The following CYP20A1 variants were observed in gnomAD, a reference collection of about 807,000 sequenced individuals.
CYP20A1 encodes cytochrome P450 20A1.
A neutral mutation model predicts 61.4 loss-of-function variants in CYP20A1; 61 were observed. The ratio of observed to expected loss-of-function variants is 0.99; its 90% CI spans 0.81 to 1.23. The LOEUF (loss-of-function observed/expected upper bound fraction) is 1.23. Ranked by LOEUF, CYP20A1 falls within the 50% of genes most tolerant of loss-of-function variation. The pLI, the probability that CYP20A1 is intolerant of heterozygous loss-of-function variation, is 0.00. For missense variants in CYP20A1, 530 were observed against 542.4 expected, an observed-to-expected ratio of 0.98 and a Z score of 0.23; for synonymous variants, 193 against 188.2, an observed-to-expected ratio of 1.03 and a Z score of -0.21.
chr2:203,266,522 A>C lies in CYP20A1; in HGVS notation c.441A>C (p.Glu147Asp). Residue 147 changes from glutamate to aspartate, a missense_variant, in exon 5 of 13, where the codon GAA becomes GAC. Transcript: ENST00000356079. The part of the protein sequence containing the change: ...SNFALLLKLS[E>D]ELLDKWLSYP... ...TTTCTGTTCTCTTTCAGCTTTCAGA[A>C]GAATTATTAGATAAATGGCTCTCCT... 1 of 1,613,812 alleles carries C rather than the reference A, an allele frequency of 6.2e-7. No individual in the cohort carries two copies. Among genetic ancestry groups the C allele is most frequent in the Non-Finnish European group, 8.5e-7 (1 of 1,179,728 alleles).
At chr2:203,270,546 C>T (rs919645809) in intron 5 of CYP20A1, among the ~76,000 whole-genome samples, 2 of 151,612 alleles carry the variant, frequency 1.3e-5, no homozygotes, top group African/African-American at 2.4e-5. Flanking sequence ...TCTCAGTTTT[C>T]ATTTCCTTTT....
At chr2:203,271,058 A>G (rs1448631111) in intron 5 of CYP20A1, among the ~76,000 whole-genome samples, 22 of 28,944 alleles carry the variant, frequency 7.6e-4, no homozygotes, top group African/African-American at 2.0e-3. Context: ...ATATGTGTAT[A>G]TATATATATA....
At chr2:203,290,923 A>C (rs115567586) in intron 10 of CYP20A1, among the ~76,000 whole-genome samples, 2 of 152,122 alleles carry the variant, frequency 1.3e-5, no homozygotes, top group African/African-American at 4.8e-5. Flanking sequence ...GATTACAGGC[A>C]TGAGCCACCA....
chr2:203,270,607 A>T (rs1374070375), intron 5 of CYP20A1, among the ~76,000 whole-genome samples: 1 of 152,008 alleles, frequency 6.6e-6, no homozygotes, highest in East Asian at 1.9e-4. Flanking sequence ...CAGTATCACA[A>T]ATGTTACTGT....
chr2:203,249,101 T>G (rs2066566190), intron 3 of CYP20A1, among the ~76,000 whole-genome samples: 3 of 152,184 alleles, frequency 2.0e-5, no homozygotes, highest in Admixed American at 2.0e-4. Context: ...AAATATTAAA[T>G]TTTTTCTCTT....
Position 203,305,225 on chromosome 2 carries a change from C to A in CYP20A1, c.*8317C>A, listed in dbSNP as rs1279440589. ...TTTTTTTTTTTTTTTTTTTTGAGAC[C>A]GAGTCTCCCTCTGTCACCAGGCTGG... On this transcript the variant is annotated 3_prime_UTR_variant, in exon 13 of 13. Coordinates refer to ENST00000356079, the MANE Select transcript of CYP20A1 (RefSeq NM_177538.3). 5.1e-5 allele frequency among the ~76,000 whole-genome samples: 6 copies of A among 118,036 alleles called. No homozygotes were observed. Among genetic ancestry groups the A allele is most frequent in the Non-Finnish European group, 9.9e-5 (6 of 60,422 alleles). The allele number at this position is 118,036 out of a possible 152,430, so 77.4% of individuals were successfully genotyped here.
intron 8 of CYP20A1, among the ~76,000 whole-genome samples, chr2:203,281,979 C>G (rs1243723226): frequency 1.3e-5 from 2 of 150,088 alleles, no homozygotes; most frequent in African/African-American, 4.9e-5. Flanking sequence ...TGTCCAGATA[C>G]TATAGATGAC....
intron 5 of CYP20A1, among the ~76,000 whole-genome samples, chr2:203,271,069 TATATATATA>T (rs1559097570): frequency 3.4e-4 from 27 of 78,876 alleles, no homozygotes; most frequent in Non-Finnish European, 6.1e-4. Flanking sequence ...TATATATATA[TATATATATA>T]TATATTTTTT....
chr2:203,295,875 G>T (rs2068771203), intron 11 of CYP20A1, among the ~76,000 whole-genome samples: 1 of 152,064 alleles, frequency 6.6e-6, no homozygotes, highest in Admixed American at 6.6e-5. Context: ...CTTGAACCTG[G>T]GATGTGGTGG....
At position 203,304,665 on chromosome 2, in the gene CYP20A1, G is replaced by GAATCCCA. The variant is rs1401880624; in HGVS notation, c.*7757_*7758insAATCCCA. On this transcript the variant is annotated 3_prime_UTR_variant, in exon 13 of 13. Transcript: ENST00000356079. ...TTTAAACATTTTCCAGCTGGGTGTG[G>GAATCCCA]TGGCTCATGCCTGTAATCCCAACAC... Among the ~76,000 whole-genome samples, 1 of 152,172 alleles carries GAATCCCA rather than the reference G, an allele frequency of 6.6e-6. No individual in the cohort carries two copies. The highest frequency in any genetic ancestry group is 2.4e-5 in the African/African-American group (1 of 41,448).
At chr2:203,291,683 ATTTT>A (rs920058643) in intron 10 of CYP20A1, among the ~76,000 whole-genome samples, 2 of 148,894 alleles carry the variant, frequency 1.3e-5, no homozygotes, top group African/African-American at 4.9e-5. Context: ...CTGGATGCAG[ATTTT>A]TTTTTTATAC....
chr2:203,291,715 A>T (rs903788226), intron 10 of CYP20A1, among the ~76,000 whole-genome samples: 1 of 151,486 alleles, frequency 6.6e-6, no homozygotes, highest in African/African-American at 2.4e-5. Context: ...TTTAGGGTAC[A>T]TGTGTACAAC....
chr2:203,295,218 T>TC (rs1293049388), intron 11 of CYP20A1, among the ~76,000 whole-genome samples: 1 of 151,912 alleles, frequency 6.6e-6, no homozygotes, highest in Non-Finnish European at 1.5e-5. Context: ...GTGCTGGGAT[T>TC]ACAGGCGTGA....
rs2068834027 is a variant in CYP20A1 at position 203,297,058 on chromosome 2, C to A, written c.*150C>A. On this transcript the variant is annotated 3_prime_UTR_variant, in exon 13 of 13. Coordinates refer to ENST00000356079, the MANE Select transcript of CYP20A1 (RefSeq NM_177538.3). ...TTTGTAAATTTGGATTTTTATATAT[C>A]ATATTTTCTTAATTCATTGTACACA... is the stretch of plus-strand genomic sequence containing the variant. 1.3e-5 allele frequency: 7 copies of A among 525,244 alleles called. No individual in the cohort carries two copies. Among genetic ancestry groups the A allele is most frequent in the Non-Finnish European group, 2.0e-5 (6 of 303,104 alleles). 32.5% of individuals were successfully genotyped at this position (525,244 alleles called of 1,614,324 possible). A position where few individuals can be genotyped will look rare whatever the true frequency, so the allele number is the denominator to read the frequency against.
intron 9 of CYP20A1, among the ~76,000 whole-genome samples, chr2:203,287,650 A>G (rs369123008): frequency 3.3e-5 from 5 of 152,154 alleles, no homozygotes; most frequent in African/African-American, 1.2e-4. Context: ...AGGCTGCAGC[A>G]TGATAGAGTG....
rs34951226 is a variant in CYP20A1 at position 203,303,874 on chromosome 2, CA to C, written c.*6986del. On this transcript the variant is annotated 3_prime_UTR_variant, in exon 13 of 13. Transcript: ENST00000356079. ...CTTAGGCAATAAAACAAGACTGTCT[CA>C]AAAAAAAAAAAAAAAAAAACTTATT... 0.49 allele frequency among the ~76,000 whole-genome samples: 43,311 copies of C among 89,244 alleles called. 8,117 individuals are homozygous for C. The highest frequency in any genetic ancestry group is 0.66 in the Middle Eastern group (121 of 184). 58.5% of individuals were successfully genotyped at this position (89,244 alleles called of 152,430 possible).
At chr2:203,285,555 T>C (rs2068228828) in intron 8 of CYP20A1, 57 bp from the exon 9 acceptor site, 4 of 1,452,532 alleles carry the variant, frequency 2.8e-6, no homozygotes, top group African/African-American at 2.9e-5. Context: ...TTTCTTATTC[T>C]ATACCCAAGC....
chr2:203,242,359 A>G (rs1575158385), intron 1 of CYP20A1, among the ~76,000 whole-genome samples: 2 of 152,186 alleles, frequency 1.3e-5, no homozygotes, highest in African/African-American at 4.8e-5. Flanking sequence ...GATATCAAGT[A>G]TAGATAGCTC....
intron 8 of CYP20A1, among the ~76,000 whole-genome samples, chr2:203,285,295 G>T (rs1309403457): frequency 6.6e-6 from 1 of 152,220 alleles, no homozygotes; most frequent in East Asian, 1.9e-4. Context: ...CACTCCTACA[G>T]ATATGATATT....
Sources: allele counts gnomAD v4.1 joint callset (sites outside exome capture counted in the v4.1 genomes callset), GRCh38; gene constraint gnomAD v4.1.1; transcripts MANE v1.5; gene names NCBI Gene and HGNC (gene_info 2026-07-23, HGNC 2026-07-21).